SLC12A7: variants seen among roughly 807,000 people sequenced by gnomAD.
SLC12A7 encodes the protein K-Cl cotransporter 4.
A neutral mutation model predicts 120.6 loss-of-function variants in SLC12A7; 100 were observed. The observed-to-expected ratio is 0.83, with a 90% CI of 0.71 to 0.98. SLC12A7 has a LOEUF of 0.98. Among genes scored for constraint, SLC12A7 ranks in the 50% least tolerant of loss-of-function variants. SLC12A7 has a pLI of 0.00. For synonymous variants in SLC12A7, 760 were observed against 678.0 expected, an observed-to-expected ratio of 1.12 and a Z score of -1.88; for missense variants, 1,373 against 1,548.1, an observed-to-expected ratio of 0.89 and a Z score of 1.90.
chr5:1,075,632 G>T, intron 14 of SLC12A7, 142 bp from the exon 15 acceptor site: 1 of 1,314,654 alleles, frequency 7.6e-7, no homozygotes, highest in Non-Finnish European at 1.0e-6. Context: ...TGACGACCAT[G>T]GCTGTACTCA....
At chr5:1,075,040 G>A (rs773923164) in intron 15 of SLC12A7, among the ~76,000 whole-genome samples, 54 of 152,196 alleles carry the variant, frequency 3.5e-4, no homozygotes, top group East Asian at 5.8e-4. Flanking sequence ...TGTGGCTGCC[G>A]AGTGAGTACA....
At chr5:1,064,601 G>T (rs872879) in intron 18 of SLC12A7, among the ~76,000 whole-genome samples, 1 of 152,246 alleles carries the variant, frequency 6.6e-6, no homozygotes, top group Non-Finnish European at 1.5e-5. Context: ...ACCTGACAGC[G>T]CACAGGCCTG....
chr5:1,078,333 C>G (rs115550939), intron 11 of SLC12A7, among the ~76,000 whole-genome samples: 1 of 152,134 alleles, frequency 6.6e-6, no homozygotes, highest in Admixed American at 6.5e-5. Flanking sequence ...GACACGCACA[C>G]CCCATGAGGA....
chr5:1,112,655 C>A (rs1260366133), upstream of SLC12A7, among the ~76,000 whole-genome samples: 3 of 60,424 alleles, frequency 5.0e-5, no homozygotes, highest in Non-Finnish European at 9.4e-5. Flanking sequence ...CTCCTGTTCC[C>A]CCCTGCCATC....
chr5:1,121,094 C>T, the SLC12A7 span, among the ~76,000 whole-genome samples: 3 of 152,204 alleles, frequency 2.0e-5, no homozygotes, highest in Admixed American at 6.5e-5. Context: ...TCCTGCTGCC[C>T]GCCACCGTTC....
At chr5:1,077,730 C>T (rs1406090536) in intron 12 of SLC12A7, 103 bp downstream of exon 12, 20 of 1,235,066 alleles carry the variant, frequency 1.6e-5, no homozygotes, top group South Asian at 4.8e-5. Flanking sequence ...GGGTCCAAGC[C>T]GCGGGCATGC....
chr5:1,141,936 C>A, the SLC12A7 span, among the ~76,000 whole-genome samples: 6 of 152,224 alleles, frequency 3.9e-5, no homozygotes, highest in East Asian at 7.7e-4. Flanking sequence ...CAGACCTGGT[C>A]ATGTGGAGTC....
chr5:1,074,659 C>T lies in SLC12A7; in HGVS notation c.1980G>A (p.Glu660=), dbSNP rs758211298. The change falls in exon 16 of 24, where the codon GAG becomes GAA. Residue 660 remains glutamate (E), a synonymous_variant. Coordinates refer to ENST00000264930, the MANE Select transcript of SLC12A7 (RefSeq NM_006598.3). Reference sequence around the variant, plus strand: ...ATAGGCCACGGATGCCATCGCCCCACTCCTTCTCGGCCCTGTGGGAAAGGA... The same window carrying T: ...ATAGGCCACGGATGCCATCGCCCCATTCCTTCTCGGCCCTGTGGGAAAGGA... The part of the protein sequence containing the change: ...KYIEYRGAEK[E]WGDGIRGLSL... 2.5e-6 allele frequency: 4 copies of T among 1,612,706 alleles called. No homozygotes were observed. The highest frequency in any genetic ancestry group is 3.4e-6 in the Non-Finnish European group (4 of 1,179,902).
At chr5:1,134,592 G>A in the SLC12A7 span, among the ~76,000 whole-genome samples, 2 of 152,134 alleles carry the variant, frequency 1.3e-5, no homozygotes, top group African/African-American at 4.8e-5. Context: ...AATTGGTACA[G>A]TCCATACGGA....
rs1049199243 is a variant in SLC12A7, at chr5:1,077,616, C to T, written c.1629+217G>A. On this transcript the variant is annotated intron_variant, in intron 12 of 23. Coordinates refer to ENST00000264930, the MANE Select transcript of SLC12A7 (RefSeq NM_006598.3). ...CTCCTGACACACCCGGGGCCGAGCT[C>T]GGAGGGACCTGCAGGCAGGAGGGCT... 5.3e-5 allele frequency among the ~76,000 whole-genome samples: 8 copies of T among 152,192 alleles called. No homozygotes were observed. The South Asian group carries it at 6.2e-4, about 12-fold the overall frequency.
chr5:1,132,102 T>A, the SLC12A7 span, among the ~76,000 whole-genome samples: 1 of 152,130 alleles, frequency 6.6e-6, no homozygotes, highest in African/African-American at 2.4e-5. Context: ...CAGGAAGCCA[T>A]CCAATACCCA....
chr5:1,075,292 G>A, intron 15 of SLC12A7, 79 bp downstream of exon 15: 4 of 1,537,666 alleles, frequency 2.6e-6, no homozygotes, highest in Non-Finnish European at 3.5e-6. Flanking sequence ...GGCCCCTCCA[G>A]GGAGCTGCCC....
the SLC12A7 span, among the ~76,000 whole-genome samples, chr5:1,141,236 C>G: frequency 6.6e-6 from 1 of 152,212 alleles, no homozygotes; most frequent in Admixed American, 6.5e-5. Flanking sequence ...GTCCAAATTC[C>G]CCCTTTTAAT....
At chr5:1,096,634 G>A (rs1449935347) in intron 1 of SLC12A7, among the ~76,000 whole-genome samples, 1 of 147,154 alleles carries the variant, frequency 6.8e-6, no homozygotes, top group African/African-American at 2.6e-5. Context: ...TGAAGGACCA[G>A]GAGCCTGGTG....
chr5:1,148,229 T>C, the SLC12A7 span, among the ~76,000 whole-genome samples: 246 of 128,062 alleles, frequency 1.9e-3, 1 homozygote, highest in Non-Finnish European at 3.5e-3. Flanking sequence ...TTTTTTGAGA[T>C]GGCGTCTCGC....
At chr5:1,099,879 C>T (rs767053413) in intron 1 of SLC12A7, among the ~76,000 whole-genome samples, 5 of 151,462 alleles carry the variant, frequency 3.3e-5, no homozygotes, top group African/African-American at 7.3e-5. Context: ...GGCGGGTGTA[C>T]GGGGCAGGAG....
intron 21 of SLC12A7, 105 bp downstream of exon 21, chr5:1,060,239 C>G (rs1736041351): frequency 1.2e-6 from 1 of 845,506 alleles, no homozygotes; most frequent in African/African-American, 1.7e-5. Flanking sequence ...GAGGCATGCT[C>G]TCTGGAGGAC....
rs1030158439 is a variant in SLC12A7, at chr5:1,051,396, G to T, written c.*964C>A. 2 of 153,812 alleles carry T rather than the reference G, an allele frequency of 1.3e-5. No individual in the cohort carries two copies. Among genetic ancestry groups the T allele is most frequent in the African/African-American group, 2.4e-5 (1 of 41,470 alleles). 9.5% of individuals were successfully genotyped at this position (153,812 alleles called of 1,614,324 possible). On this transcript the variant is annotated 3_prime_UTR_variant, in exon 24 of 24. Transcript: ENST00000264930. ...GTGTGCCGTGCTCCTGGGGTGGGGT[G>T]GGGTGGGGAGGGCAGTCCTGGCTGT...
chr5:1,097,167 GTAAC>G (rs1295152782), intron 1 of SLC12A7, among the ~76,000 whole-genome samples: 1 of 152,166 alleles, frequency 6.6e-6, no homozygotes, highest in Non-Finnish European at 1.5e-5. Flanking sequence ...GTCTTAGCAT[GTAAC>G]TATGTCTGCG....
Sources: gnomAD v4.1 joint callset for allele counts (sites outside exome capture counted in the v4.1 genomes callset) on GRCh38, gnomAD v4.1.1 for gene constraint, MANE v1.5 for transcripts, NCBI Gene and HGNC (gene_info 2026-07-23, HGNC 2026-07-21) for gene names.